Variants in FARP1 observed in about 807,000 individuals in gnomAD.
FARP1 encodes the protein FERM, ARH/RhoGEF and pleckstrin domain protein 1, also known as FERM, ARHGEF and pleckstrin domain-containing protein 1.
A neutral mutation model predicts 128.8 loss-of-function variants in FARP1; 52 were observed. The ratio of observed to expected loss-of-function variants is 0.40; its 90% CI spans 0.32 to 0.51. The LOEUF (loss-of-function observed/expected upper bound fraction) is 0.51. Ranked by LOEUF, FARP1 falls within the 20% of genes least tolerant of loss-of-function variation. FARP1 has a pLI of 0.45. For missense variants in FARP1, 1,333 were observed against 1,367.9 expected (o/e 0.97, Z 0.40); for synonymous variants, 580 against 551.8 (o/e 1.05, Z -0.72).
chr13:98,153,309 TATAAAATATATAAATA>T (rs1876168616), intron 1 of FARP1, among the ~76,000 whole-genome samples: 2 of 24,790 alleles, frequency 8.1e-5, no homozygotes, highest in African/African-American at 1.2e-4. Context: ...TATATTTATA[TATAAAATATATAAATA>T]ATATAATATA....
intron 1 of FARP1, among the ~76,000 whole-genome samples, chr13:98,183,803 A>C (rs1449082202): frequency 5.3e-5 from 8 of 152,022 alleles, no homozygotes. Flanking sequence ...CCTCCAAACA[A>C]TTGTTATTTC....
chr13:98,165,366 G>A (rs569160551), intron 1 of FARP1, among the ~76,000 whole-genome samples: 2 of 152,122 alleles, frequency 1.3e-5, no homozygotes, highest in East Asian at 3.9e-4. Context: ...CAGTTTTTGA[G>A]GAGAAATGTC....
intron 1 of FARP1, among the ~76,000 whole-genome samples, chr13:98,169,064 T>G (rs576293489): frequency 6.6e-6 from 1 of 152,212 alleles, no homozygotes; most frequent in African/African-American, 2.4e-5. Flanking sequence ...TTTTAAAATT[T>G]GTTTGATTTT....
At chr13:98,317,407 C>A (rs981437800) in intron 2 of FARP1, among the ~76,000 whole-genome samples, 4 of 152,164 alleles carry the variant, frequency 2.6e-5, no homozygotes, top group African/African-American at 9.7e-5. Context: ...CAGCCACTTG[C>A]CCACACAACT....
At chr13:98,418,125 CTTCAGCCTTGAACTTCTG>C (rs2140136914) in intron 16 of FARP1, among the ~76,000 whole-genome samples, 1 of 152,324 alleles carries the variant, frequency 6.6e-6, no homozygotes, top group East Asian at 1.9e-4. Context: ...TCATAGATAA[CTTCAGCCTTGAACTTCTG>C]GCTTCAAGCA....
chr13:98,314,911 G>A (rs1405238768), intron 2 of FARP1, among the ~76,000 whole-genome samples: 3 of 152,118 alleles, frequency 2.0e-5, no homozygotes, highest in Non-Finnish European at 2.9e-5. Flanking sequence ...CTTGGGACTC[G>A]GATTGAAGAT....
chr13:98,177,920 C>T (rs977751687), intron 1 of FARP1: 1 of 152,244 alleles, frequency 6.6e-6, no homozygotes, highest in East Asian at 1.9e-4. Context: ...AAAACAGATA[C>T]AAGCAAAAAG....
chr13:98,213,949 G>T (rs1392704426), intron 2 of FARP1, among the ~76,000 whole-genome samples: 1 of 152,160 alleles, frequency 6.6e-6, no homozygotes, highest in Non-Finnish European at 1.5e-5. Context: ...CACAGGGCAG[G>T]TGTGGGAGTA....
chr13:98,193,907 A>G (rs564715379), intron 1 of FARP1, among the ~76,000 whole-genome samples: 1 of 152,278 alleles, frequency 6.6e-6, no homozygotes, highest in African/African-American at 2.4e-5. Context: ...GTCCATTTGG[A>G]CATAGTCTTT....
chr13:98,319,319 T>C (rs117214083), intron 2 of FARP1, among the ~76,000 whole-genome samples: 5,751 of 116,762 alleles, frequency 0.049, 151 homozygotes, highest in Middle Eastern at 0.12. Context: ...TAATTTATTA[T>C]AGAAAATAAT....
At chr13:98,308,748 A>G (rs1886305521) in intron 2 of FARP1, among the ~76,000 whole-genome samples, 1 of 152,166 alleles carries the variant, frequency 6.6e-6, no homozygotes, top group Non-Finnish European at 1.5e-5. Flanking sequence ...GGCTCACTGC[A>G]ACCTCTGCCT....
intron 12 of FARP1, among the ~76,000 whole-genome samples, chr13:98,394,127 G>T (rs1890417374): frequency 6.6e-6 from 1 of 152,186 alleles, no homozygotes; most frequent in Admixed American, 6.5e-5. Context: ...GCCTTTGCTG[G>T]CACAGAACTG....
chr13:98,248,356 A>G (rs1783448937), intron 2 of FARP1, among the ~76,000 whole-genome samples: 1 of 152,168 alleles, frequency 6.6e-6, no homozygotes, highest in Non-Finnish European at 1.5e-5. Flanking sequence ...ACCTCCTAGC[A>G]GTGATGTGAG....
intron 2 of FARP1, among the ~76,000 whole-genome samples, chr13:98,302,374 C>T (rs1201337230): frequency 6.6e-6 from 1 of 152,168 alleles, no homozygotes. Flanking sequence ...TATTTTCAAC[C>T]TCCCACACTC....
intron 2 of FARP1, among the ~76,000 whole-genome samples, chr13:98,295,353 G>C (rs148372644): frequency 2.6e-5 from 4 of 152,158 alleles, no homozygotes; most frequent in Non-Finnish European, 4.4e-5. Flanking sequence ...CGAGACTCGC[G>C]TGTCCTCAGT....
intron 3 of FARP1, among the ~76,000 whole-genome samples, chr13:98,352,229 G>T (rs1888466121): frequency 6.6e-6 from 1 of 152,166 alleles, no homozygotes; most frequent in African/African-American, 2.4e-5. Context: ...CGCCATCGGT[G>T]TGTGTTTAGG....
chr13:98,442,182 G>A (rs76917814), intron 24 of FARP1, among the ~76,000 whole-genome samples: 3,379 of 152,300 alleles, frequency 0.022, 113 homozygotes, highest in African/African-American at 0.071. Flanking sequence ...TCCAAACGCA[G>A]AAAGGGCCAG....
At chr13:98,205,595 G>A (rs1228287809) in intron 1 of FARP1, among the ~76,000 whole-genome samples, 1 of 152,072 alleles carries the variant, frequency 6.6e-6, no homozygotes, top group African/African-American at 2.4e-5. Flanking sequence ...GGGTTTCACT[G>A]TGTTAGCCAG....
intron 2 of FARP1, among the ~76,000 whole-genome samples, chr13:98,313,627 C>CTGCTGTTGG (rs1337734149): frequency 1.4e-4 from 21 of 152,248 alleles, no homozygotes; most frequent in Non-Finnish European, 2.9e-4. Flanking sequence ...CTACCTAAGG[C>CTGCTGTTGG]TGCTGTTGGA....
Sources: allele counts gnomAD v4.1 joint callset (sites outside exome capture counted in the v4.1 genomes callset), GRCh38; gene constraint gnomAD v4.1.1; transcripts MANE v1.5; gene names NCBI Gene and HGNC (gene_info 2026-07-23, HGNC 2026-07-21).